PCDH15: variants seen among roughly 807,000 people sequenced by gnomAD.
PCDH15 encodes protocadherin related 15.
A neutral mutation model predicts 178.5 loss-of-function variants in PCDH15; 129 were observed. That is an observed-to-expected ratio of 0.72 (90% CI 0.63 to 0.84). PCDH15 has a LOEUF of 0.84. Ranked by LOEUF, PCDH15 falls within the 40% of genes least tolerant of loss-of-function variation. The pLI, the probability that PCDH15 is intolerant of heterozygous loss-of-function variation, is 0.00. For synonymous variants in PCDH15, 800 were observed against 732.0 expected (o/e 1.09, Z -1.50); for missense variants, 2,230 against 2,099.9 (o/e 1.06, Z -1.21).
At chr10:54,515,135 G>T (rs2082079354) in intron 3 of PCDH15, among the ~76,000 whole-genome samples, 1 of 152,206 alleles carries the variant, frequency 6.6e-6, no homozygotes, top group Non-Finnish European at 1.5e-5. Flanking sequence ...GTGCAGGACA[G>T]TGGGTGCAGC....
At chr10:54,573,062 C>A (rs979241534) in intron 2 of PCDH15, among the ~76,000 whole-genome samples, 1 of 151,982 alleles carries the variant, frequency 6.6e-6, no homozygotes, top group African/African-American at 2.4e-5. Flanking sequence ...TTTACTTTTT[C>A]CTCATACTGT....
chr10:55,426,318 G>T (rs1020094319), intron 2 of PCDH15, among the ~76,000 whole-genome samples: 1 of 152,172 alleles, frequency 6.6e-6, no homozygotes, highest in Non-Finnish European at 1.5e-5. Flanking sequence ...GGCGTGAACA[G>T]GAGTACACCA....
At chr10:53,924,972 C>T (rs1000127965) in intron 25 of PCDH15, among the ~76,000 whole-genome samples, 3 of 152,162 alleles carry the variant, frequency 2.0e-5, no homozygotes, top group Non-Finnish European at 2.9e-5. Flanking sequence ...AATCAGCACC[C>T]TGTCAAAACA....
At chr10:55,162,202 A>G (rs1054277613) in intron 2 of PCDH15, among the ~76,000 whole-genome samples, 4 of 152,164 alleles carry the variant, frequency 2.6e-5, no homozygotes, top group African/African-American at 9.6e-5. Context: ...AAGTTCCGTT[A>G]GATGTAGAAC....
At chr10:55,572,449 A>G (rs1256473486) in intron 2 of PCDH15, among the ~76,000 whole-genome samples, 10 of 151,072 alleles carry the variant, frequency 6.6e-5, no homozygotes, top group African/African-American at 2.4e-4. Flanking sequence ...ATAATTTTTA[A>G]ATATTAATTA....
At chr10:55,003,331 C>G (rs2131932722) in intron 2 of PCDH15, among the ~76,000 whole-genome samples, 1 of 151,978 alleles carries the variant, frequency 6.6e-6, no homozygotes, top group South Asian at 2.1e-4. Flanking sequence ...TTCTAGGACA[C>G]AAATTAAAAG....
chr10:54,199,199 T>C (rs1283074289), intron 10 of PCDH15, among the ~76,000 whole-genome samples: 1 of 152,186 alleles, frequency 6.6e-6, no homozygotes, highest in Non-Finnish European at 1.5e-5. Flanking sequence ...TGCTACTATG[T>C]ATTTTGTTCT....
At chr10:54,859,782 T>G (rs1195877868) in intron 3 of PCDH15, among the ~76,000 whole-genome samples, 3 of 151,764 alleles carry the variant, frequency 2.0e-5, no homozygotes, top group African/African-American at 7.2e-5. Context: ...ATGGTACATT[T>G]ATTGATTATG....
chr10:54,486,866 T>C (rs1459689729), intron 3 of PCDH15, among the ~76,000 whole-genome samples: 2 of 151,982 alleles, frequency 1.3e-5, no homozygotes, highest in Non-Finnish European at 1.5e-5. Context: ...ACTTTAATGA[T>C]TCCAGTTTAA....
intron 3 of PCDH15, among the ~76,000 whole-genome samples, chr10:54,861,396 C>A (rs1953839734): frequency 6.6e-6 from 1 of 152,118 alleles, no homozygotes; most frequent in South Asian, 2.1e-4. Flanking sequence ...TGGAAAGATA[C>A]AACCTCCCAA....
intron 3 of PCDH15, among the ~76,000 whole-genome samples, chr10:54,520,445 C>A (rs1306604813): frequency 2.0e-5 from 3 of 151,944 alleles, no homozygotes; most frequent in Admixed American, 2.0e-4. Flanking sequence ...TTTATGCAGC[C>A]AAAAAACACA....
chr10:54,509,819 A>T (rs570004872), intron 3 of PCDH15, among the ~76,000 whole-genome samples: 1 of 152,262 alleles, frequency 6.6e-6, no homozygotes, highest in East Asian at 1.9e-4. Context: ...CTGTTTCTCA[A>T]GTGCTAATAA....
intron 32 of PCDH15, chr10:53,822,201 CAG>C: frequency 6.2e-7 from 1 of 1,613,906 alleles, no homozygotes; most frequent in African/African-American, 1.3e-5. Flanking sequence ...ACCTGTTATA[CAG>C]ACACACTCTG....
At chr10:54,469,894 G>A (rs956348651) in intron 3 of PCDH15, among the ~76,000 whole-genome samples, 1 of 152,138 alleles carries the variant, frequency 6.6e-6, no homozygotes, top group South Asian at 2.1e-4. Context: ...GCATACATGC[G>A]GGTACTAGCT....
upstream of PCDH15, among the ~76,000 whole-genome samples, chr10:55,322,810 G>GGC: frequency 6.6e-6 from 1 of 151,228 alleles, no homozygotes; most frequent in East Asian, 2.0e-4. Context: ...AAAATGGGGG[G>GGC]GGAGAAATTC....
chr10:55,376,525 A>G (rs1010546853), intron 2 of PCDH15, among the ~76,000 whole-genome samples: 3 of 152,080 alleles, frequency 2.0e-5, no homozygotes, highest in African/African-American at 7.2e-5. Flanking sequence ...ACAGTATCTG[A>G]ATCATGTTCT....
At chr10:55,313,964 T>C (rs1843657899) in intron 1 of PCDH15, among the ~76,000 whole-genome samples, 1 of 151,934 alleles carries the variant, frequency 6.6e-6, no homozygotes, top group Non-Finnish European at 1.5e-5. Flanking sequence ...GAATAACTTG[T>C]GGGAACTTTT....
At chr10:54,184,238 A>G (rs1209571790) in intron 12 of PCDH15, among the ~76,000 whole-genome samples, 1 of 152,156 alleles carries the variant, frequency 6.6e-6, no homozygotes, top group Non-Finnish European at 1.5e-5. Context: ...ACTTTTAACA[A>G]TCACATAAAC....
intron 2 of PCDH15, among the ~76,000 whole-genome samples, chr10:55,019,945 C>T (rs1840281528): frequency 7.0e-6 from 1 of 143,162 alleles, no homozygotes; most frequent in South Asian, 2.2e-4. Flanking sequence ...AGAAACTCTA[C>T]TACTCTTGAA....
Sources: gnomAD v4.1 joint callset for allele counts (sites outside exome capture counted in the v4.1 genomes callset) on GRCh38, gnomAD v4.1.1 for gene constraint, MANE v1.5 for transcripts, NCBI Gene and HGNC (gene_info 2026-07-23, HGNC 2026-07-21) for gene names.